The following PUM3 variants were observed in gnomAD, a reference collection of about 807,000 sequenced individuals.
The protein encoded by PUM3 is pumilio homolog 3.
In PUM3, 91 loss-of-function variants were observed where a neutral mutation model predicts 84.0. The observed-to-expected ratio is 1.08, with a 90% CI of 0.91 to 1.29. The LOEUF (loss-of-function observed/expected upper bound fraction) is 1.29. Among genes scored for constraint, PUM3 ranks in the 50% most tolerant of loss-of-function variants. The pLI is 0.00. For missense variants in PUM3, 1,067 were observed against 767.5 expected (o/e 1.39, Z -4.61); for synonymous variants, 321 against 266.7 (o/e 1.20, Z -1.98).
intron 14 of PUM3, 115 bp from the exon 15 acceptor site, chr9:2,811,698 A>G: frequency 1.5e-6 from 1 of 682,612 alleles, no homozygotes. Flanking sequence ...CTCTATTATT[A>G]TTGTCTATCT....
At chr9:2,827,176 A>G (rs1008973505) in intron 9 of PUM3, 25 bp from the exon 10 acceptor site, 10 of 1,551,722 alleles carry the variant, frequency 6.4e-6, no homozygotes, top group Non-Finnish European at 8.8e-6. Context: ...AAAAAGCAAA[A>G]AGACACAACA....
intron 16 of PUM3, among the ~76,000 whole-genome samples, chr9:2,810,106 G>C (rs552841396): frequency 1.0e-3 from 156 of 151,104 alleles, no homozygotes; most frequent in African/African-American, 3.7e-3. Context: ...GGGGGCGGTG[G>C]GGGGGGCTGG....
chr9:2,815,067 G>A (rs1821444715), intron 13 of PUM3, among the ~76,000 whole-genome samples: 1 of 152,118 alleles, frequency 6.6e-6, no homozygotes, highest in African/African-American at 2.4e-5. Flanking sequence ...ATACTACTCA[G>A]ACCAGTCCCC....
chr9:2,821,312 T>G (rs568194283), intron 12 of PUM3, among the ~76,000 whole-genome samples: 1 of 151,356 alleles, frequency 6.6e-6, no homozygotes, highest in Non-Finnish European at 1.5e-5. Context: ...GGCATGGTGG[T>G]GGGCGCCTGT....
intron 3 of PUM3, among the ~76,000 whole-genome samples, chr9:2,834,449 A>G (rs1349917532): frequency 1.3e-5 from 2 of 152,250 alleles, no homozygotes; most frequent in Non-Finnish European, 2.9e-5. Flanking sequence ...TATTTTAAAT[A>G]TCTTTTTCAA....
intron 14 of PUM3, among the ~76,000 whole-genome samples, chr9:2,811,991 T>C (rs754402793): frequency 7.9e-5 from 12 of 152,230 alleles, no homozygotes; most frequent in Non-Finnish European, 1.5e-4. Flanking sequence ...AACCACGCAC[T>C]TGAATGCCTA....
chr9:2,819,965 C>A (rs1181045901), intron 13 of PUM3, 53 bp downstream of exon 13: 1 of 1,206,100 alleles, frequency 8.3e-7, no homozygotes, highest in South Asian at 1.3e-5. Flanking sequence ...GCTTACACAT[C>A]CACAACTGGT....
chr9:2,843,447 G>T (rs902655110), intron 1 of PUM3, among the ~76,000 whole-genome samples: 9 of 152,126 alleles, frequency 5.9e-5, no homozygotes, highest in African/African-American at 1.9e-4. Flanking sequence ...CTGGAGTTGG[G>T]GTTTGTGAAG....
At chr9:2,833,972 T>C in intron 4 of PUM3, 59 bp downstream of exon 4, 2 of 1,552,544 alleles carry the variant, frequency 1.3e-6, no homozygotes, top group Non-Finnish European at 8.8e-7. Context: ...ATTTACAAGG[T>C]ACACTGACTT....
chr9:2,831,423 A>T, intron 5 of PUM3, 79 bp from the exon 6 acceptor site: 1 of 892,334 alleles, frequency 1.1e-6, no homozygotes, highest in Non-Finnish European at 1.8e-6. Flanking sequence ...CCTCTTCTGG[A>T]ATTTCTTGTT....
rs1358159786 is a variant in PUM3, at chr9:2,804,534, TA to T, written c.1815-72del. 2.7e-5 allele frequency: 38 copies of T among 1,413,182 alleles called. No homozygotes were observed. In the African/African-American group the frequency reaches 5.2e-4, roughly 19 times the overall value. The allele number at this position is 1,413,182 out of a possible 1,614,324, so 87.5% of individuals were successfully genotyped here. A position where few individuals can be genotyped will look rare whatever the true frequency, so the allele number is the denominator to read the frequency against. On this transcript the variant is annotated intron_variant, in intron 17 of 17. Coordinates refer to ENST00000397885, the MANE Select transcript of PUM3 (RefSeq NM_014878.5). ...TCTCCAATACTACCTGTACCAACAGTAAAAAAGACTTTGTTAACTGTGACAC... is the reference window on the plus strand; with the variant it reads ...TCTCCAATACTACCTGTACCAACAGTAAAAAGACTTTGTTAACTGTGACAC...
In PUM3 at chr9:2,807,871, C is replaced by A; in HGVS notation, c.1757G>T (p.Gly586Val). The A allele has an allele frequency of 6.2e-7, 1 of 1,613,444 alleles. No homozygotes were observed. The highest frequency in any genetic ancestry group is 1.3e-5 in the African/African-American group (1 of 75,048). Reference protein sequence around the residue: ...CFAKTLVEHVGMKNLKSWASV... With the variant: ...CFAKTLVEHVVMKNLKSWASV... ...AGCCCAGGACTTCAGGTTCTTCATA[C>A]CAACATGCTCTACAAGTGTTTTTGC... The change falls in exon 17 of 18, where the codon GGT (glycine) becomes GTT (valine). Residue 586 changes from glycine to valine, a missense_variant. Physicochemically the swap from Gly to Val is moderately radical, Grantham distance 109 (BLOSUM62 -3). Transcript: ENST00000397885.
chr9:2,820,364 A>G (rs1368241459), intron 12 of PUM3, among the ~76,000 whole-genome samples: 1 of 152,164 alleles, frequency 6.6e-6, no homozygotes, highest in African/African-American at 2.4e-5. Flanking sequence ...ATTACCAAAT[A>G]GTCTAAAACT....
chr9:2,822,125 A>C (rs1815660968), intron 12 of PUM3, among the ~76,000 whole-genome samples: 1 of 152,160 alleles, frequency 6.6e-6, no homozygotes, highest in African/African-American at 2.4e-5. Context: ...TACAGAATTG[A>C]ATGTAAGTGA....
At chr9:2,819,202 C>T (rs562528034) in intron 13 of PUM3, among the ~76,000 whole-genome samples, 9 of 152,280 alleles carry the variant, frequency 5.9e-5, no homozygotes, top group South Asian at 4.1e-4. Context: ...CAACACCACT[C>T]ATACACTAAA....
intron 15 of PUM3, among the ~76,000 whole-genome samples, chr9:2,810,647 A>G (rs764834642): frequency 3.9e-5 from 6 of 152,240 alleles, no homozygotes; most frequent in African/African-American, 9.6e-5. Context: ...GTTATGCCAG[A>G]TAACACAGCC....
At chr9:2,826,804 T>G (rs1368132225) in intron 10 of PUM3, among the ~76,000 whole-genome samples, 4 of 152,176 alleles carry the variant, frequency 2.6e-5, no homozygotes, top group African/African-American at 9.7e-5. Context: ...ATTTTCAGAT[T>G]AGGTTAGCCA....
chr9:2,824,607 A>G, intron 11 of PUM3, 110 bp downstream of exon 11: 1 of 584,754 alleles, frequency 1.7e-6, no homozygotes, highest in Non-Finnish European at 2.6e-6. Flanking sequence ...AATGCACAAC[A>G]GGGCAAAGAC....
At chr9:2,807,710 T>C (rs567446951) in intron 17 of PUM3, 104 bp downstream of exon 17, 72 of 702,954 alleles carry the variant, frequency 1.0e-4, no homozygotes, top group African/African-American at 3.8e-4. Flanking sequence ...GGGAGTAATA[T>C]TAGACTACTG....
Sources: gnomAD v4.1 joint callset for allele counts (sites outside exome capture counted in the v4.1 genomes callset) on GRCh38, gnomAD v4.1.1 for gene constraint, MANE v1.5 for transcripts, NCBI Gene and HGNC (gene_info 2026-07-23, HGNC 2026-07-21) for gene names.